ESRRG: variants seen among roughly 807,000 people sequenced by gnomAD.
ESRRG encodes the protein estrogen-related receptor gamma.
A neutral mutation model predicts 44.0 loss-of-function variants in ESRRG; 13 were observed. The observed-to-expected ratio is 0.30, with a 90% CI of 0.19 to 0.47. The LOEUF (loss-of-function observed/expected upper bound fraction) is 0.47. Among genes scored for constraint, ESRRG ranks in the 20% least tolerant of loss-of-function variants. ESRRG has a pLI of 1.00. For missense variants in ESRRG, 395 were observed against 580.6 expected (o/e 0.68, Z 3.29); for synonymous variants, 215 against 214.6 (o/e 1.00, Z -0.02).
chr1:216,598,365 G>A (rs2058731926), intron 3 of ESRRG, among the ~76,000 whole-genome samples: 1 of 152,092 alleles, frequency 6.6e-6, no homozygotes, highest in Non-Finnish European at 1.5e-5. Context: ...TGGCATTTGT[G>A]GGAGTGCCAA....
At chr1:217,068,353 CTTTT>C (rs5780959) in intron 1 of ESRRG, among the ~76,000 whole-genome samples, 7 of 146,800 alleles carry the variant, frequency 4.8e-5, no homozygotes, top group African/African-American at 1.8e-4. Flanking sequence ...TCTTAGGAGT[CTTTT>C]TTTTTTTTTT....
chr1:217,134,961 G>T (rs547348378), intron 1 of ESRRG, among the ~76,000 whole-genome samples: 15 of 152,346 alleles, frequency 9.8e-5, no homozygotes, highest in African/African-American at 2.9e-4. Flanking sequence ...CTGGAATTCA[G>T]GGACCTGACC....
At chr1:216,869,133 G>A (rs1249131416) in intron 2 of ESRRG, among the ~76,000 whole-genome samples, 1 of 152,026 alleles carries the variant, frequency 6.6e-6, no homozygotes, top group Non-Finnish European at 1.5e-5. Context: ...AGAACTTTTT[G>A]CCTAACCCTA....
chr1:216,835,863 T>G (rs905532041), intron 2 of ESRRG, among the ~76,000 whole-genome samples: 3 of 152,186 alleles, frequency 2.0e-5, no homozygotes, highest in African/African-American at 7.2e-5. Flanking sequence ...CTAAAGCGAT[T>G]TTTTAATGTC....
chr1:216,632,317 T>C (rs1165025404), intron 3 of ESRRG, among the ~76,000 whole-genome samples: 2 of 152,194 alleles, frequency 1.3e-5, no homozygotes, highest in East Asian at 3.9e-4. Flanking sequence ...CTATAGGTGA[T>C]GATAGCATTT....
At position 216,506,874 on chromosome 1, in the gene ESRRG, C is replaced by T; in HGVS notation, c.*65G>A. On this transcript the variant is annotated 3_prime_UTR_variant, in exon 7 of 7. Transcript: ENST00000408911. ...TTAACTAAACTCTAAGTTTCTTCGACATCACTCTTGGGTTTATTTTCCCTT... is the reference window on the plus strand; with the variant it reads ...TTAACTAAACTCTAAGTTTCTTCGATATCACTCTTGGGTTTATTTTCCCTT... 1.9e-6 allele frequency: 3 copies of T among 1,543,100 alleles called. No homozygotes were observed. The highest frequency in any genetic ancestry group is 2.0e-5 in the Admixed American group (1 of 49,352).
Position 216,723,357 on chromosome 1 carries a change from G to A in ESRRG, c.-58C>T, listed in dbSNP as rs2086787465. Reference sequence around the variant, plus strand: ...GCTATAAATCAAAGTTTCCTTGACAGAGCACAGTGCAATTAACACAAATGT... The same window carrying A: ...GCTATAAATCAAAGTTTCCTTGACAAAGCACAGTGCAATTAACACAAATGT... On this transcript the variant is annotated 5_prime_UTR_variant, in exon 1 of 7. Transcript: ENST00000408911. 2 of 1,524,536 alleles carry A rather than the reference G, an allele frequency of 1.3e-6. No individual in the cohort carries two copies. The highest frequency in any genetic ancestry group is 1.8e-6 in the Non-Finnish European group (2 of 1,099,022). The allele number at this position is 1,524,536 out of a possible 1,614,324, so 94.4% of individuals were successfully genotyped here. A position where few individuals can be genotyped will look rare whatever the true frequency, so the allele number is the denominator to read the frequency against.
chr1:217,045,962 G>T (rs2084802374), intron 1 of ESRRG, among the ~76,000 whole-genome samples: 1 of 152,008 alleles, frequency 6.6e-6, no homozygotes. Context: ...AGATTGAGAT[G>T]CCTTTCCATT....
intron 3 of ESRRG, among the ~76,000 whole-genome samples, chr1:216,588,395 T>G (rs1183670323): frequency 1.3e-5 from 2 of 152,208 alleles, no homozygotes; most frequent in Non-Finnish European, 2.9e-5. Context: ...CAATCTGGAC[T>G]GTTTTTATTA....
At chr1:217,033,329 A>G (rs2082349450) in intron 1 of ESRRG, among the ~76,000 whole-genome samples, 1 of 152,066 alleles carries the variant, frequency 6.6e-6, no homozygotes, top group Admixed American at 6.6e-5. Context: ...CTTAACTATC[A>G]CTGATGCCTC....
intron 2 of ESRRG, among the ~76,000 whole-genome samples, chr1:216,761,681 C>T (rs1247599561): frequency 6.6e-6 from 1 of 152,072 alleles, no homozygotes; most frequent in Non-Finnish European, 1.5e-5. Context: ...CCTGTATTAC[C>T]AAGCATTAAA....
At chr1:216,872,075 A>G (rs2096266761) in intron 2 of ESRRG, among the ~76,000 whole-genome samples, 1 of 152,100 alleles carries the variant, frequency 6.6e-6, no homozygotes. Flanking sequence ...TTTTTGCTGA[A>G]TATAGAATTC....
chr1:217,035,948 T>A (rs943805945), intron 1 of ESRRG, among the ~76,000 whole-genome samples: 1 of 152,102 alleles, frequency 6.6e-6, no homozygotes, highest in African/African-American at 2.4e-5. Context: ...TGTAAGAAAC[T>A]TAAACAAATT....
chr1:216,878,577 G>A (rs948735829), intron 2 of ESRRG, among the ~76,000 whole-genome samples: 9 of 151,988 alleles, frequency 5.9e-5, no homozygotes, highest in Non-Finnish European at 1.3e-4. Flanking sequence ...GATTGTCTTG[G>A]TAAGAGGCAT....
chr1:216,957,639 C>T (rs1431715998), intron 1 of ESRRG, among the ~76,000 whole-genome samples: 2 of 152,114 alleles, frequency 1.3e-5, no homozygotes, highest in Non-Finnish European at 2.9e-5. Context: ...ATCCTTACCA[C>T]CTCTATCCAC....
At chr1:216,541,852 G>A (rs983279686) in intron 5 of ESRRG, among the ~76,000 whole-genome samples, 7 of 151,458 alleles carry the variant, frequency 4.6e-5, no homozygotes, top group Admixed American at 1.3e-4. Context: ...CCTGAAAATC[G>A]TGACTCACAC....
chr1:216,553,692 A>G (rs1206404087), intron 5 of ESRRG, among the ~76,000 whole-genome samples: 1 of 152,184 alleles, frequency 6.6e-6, no homozygotes, highest in Non-Finnish European at 1.5e-5. Flanking sequence ...TAGTACATTT[A>G]AATTCATATG....
At chr1:216,736,701 CAG>C (rs2089983384) in intron 2 of ESRRG, among the ~76,000 whole-genome samples, 1 of 152,100 alleles carries the variant, frequency 6.6e-6, no homozygotes, top group African/African-American at 2.4e-5. Context: ...GGAACCGGTG[CAG>C]AGATTCCACA....
intron 2 of ESRRG, among the ~76,000 whole-genome samples, chr1:216,761,695 CT>C (rs1225308842): frequency 6.6e-6 from 1 of 152,174 alleles, no homozygotes; most frequent in African/African-American, 2.4e-5. Context: ...CATTAAAAGG[CT>C]GTGCTTTCTG....
Sources: allele counts gnomAD v4.1 joint callset (sites outside exome capture counted in the v4.1 genomes callset), GRCh38; gene constraint gnomAD v4.1.1; transcripts MANE v1.5; gene names NCBI Gene and HGNC (gene_info 2026-07-23, HGNC 2026-07-21).